The following COLEC11 variants were observed in gnomAD, a reference collection of about 807,000 sequenced individuals.
The protein encoded by COLEC11 is collectin subfamily member 11, also known as collectin-11.
COLEC11 carries 20 observed loss-of-function variants against 27.3 expected under a neutral mutation model. That is an observed-to-expected ratio of 0.73 (90% CI 0.51 to 1.06). The LOEUF is 1.06. Ranked by LOEUF, COLEC11 falls within the 50% of genes least tolerant of loss-of-function variation. COLEC11 has a pLI of 0.00. For missense variants in COLEC11, 310 were observed against 383.0 expected (o/e 0.81, Z 1.59); for synonymous variants, 163 against 154.7 (o/e 1.05, Z -0.40).
At chr2:3,633,897 G>A (rs1572460692) in intron 3 of COLEC11, among the ~76,000 whole-genome samples, 1 of 152,284 alleles carries the variant, frequency 6.6e-6, no homozygotes, top group African/African-American at 2.4e-5. Context: ...GCGCAGACAG[G>A]GCCTGGGACA....
intron 1 of COLEC11, among the ~76,000 whole-genome samples, chr2:3,595,983 T>G (rs1451250924): frequency 6.6e-6 from 1 of 152,146 alleles, no homozygotes; most frequent in Non-Finnish European, 1.5e-5. Flanking sequence ...TTTTGAAAAA[T>G]CCATGTACCG....
chr2:3,636,037 T>C lies in COLEC11; in HGVS notation c.203-1496T>C, dbSNP rs148920459. ...TCCTCTGGTTTCTGTCTATTCTGAA[T>C]TGGGGGAACGTTACATCTGCTTCGC... is the stretch of plus-strand genomic sequence containing the variant. On this transcript the variant is annotated intron_variant, in intron 3 of 6. Coordinates refer to ENST00000349077, the MANE Select transcript of COLEC11 (RefSeq NM_024027.5). Among the ~76,000 whole-genome samples, 1,094 of 152,344 alleles carry C rather than the reference T, an allele frequency of 7.2e-3. 10 individuals are homozygous for C. The highest frequency in any genetic ancestry group is 0.044 in the South Asian group (214 of 4,832).
chr2:3,632,068 C>T lies in COLEC11; in HGVS notation c.203-5465C>T, dbSNP rs1054867499. 1.6e-4 allele frequency among the ~76,000 whole-genome samples: 24 copies of T among 152,328 alleles called. No homozygotes were observed. In the East Asian group the frequency reaches 3.9e-3, roughly 24 times the overall value. ...AATCCACGCCATCAGTGTGCGCTCG[C>T]GCTCCTGCTCCTGATGCTCGCTGTG... On this transcript the variant is annotated intron_variant, in intron 3 of 6. Coordinates refer to ENST00000349077, the MANE Select transcript of COLEC11 (RefSeq NM_024027.5).
chr2:3,627,009 C>T lies in COLEC11; in HGVS notation c.203-10524C>T, dbSNP rs574391059. Among the ~76,000 whole-genome samples the T allele has an allele frequency of 6.6e-5, 10 of 152,284 alleles. No homozygotes were observed. In the East Asian group the frequency reaches 7.7e-4, roughly 12 times the overall value. ...CCCCTGGCCCACTGGCTCTTCTGCC[C>T]GTGGGCTTGCTAGCTGGGTGCTAGT... On this transcript the variant is annotated intron_variant, in intron 3 of 6. Transcript: ENST00000349077.
At chr2:3,596,727 T>C (rs911617494) in intron 1 of COLEC11, among the ~76,000 whole-genome samples, 2 of 152,152 alleles carry the variant, frequency 1.3e-5, no homozygotes, top group East Asian at 3.9e-4. Context: ...CCCCTTCCAT[T>C]GATGGGAGGG....
At chr2:3,637,769 T>C (rs907351575) in intron 4 of COLEC11, among the ~76,000 whole-genome samples, 165 bp downstream of exon 4, 3 of 152,220 alleles carry the variant, frequency 2.0e-5, no homozygotes, top group Non-Finnish European at 2.9e-5. Context: ...TTTGGGGTGC[T>C]TGGAGCTAGT....
chr2:3,603,064 A>T (rs900545260), intron 1 of COLEC11, among the ~76,000 whole-genome samples: 1 of 152,228 alleles, frequency 6.6e-6, no homozygotes, highest in African/African-American at 2.4e-5. Flanking sequence ...ACCAAACGAA[A>T]GGCTGCCAGG....
chr2:3,635,063 C>G (rs1242394155), intron 3 of COLEC11, among the ~76,000 whole-genome samples: 4 of 134,594 alleles, frequency 3.0e-5, no homozygotes, highest in African/African-American at 1.0e-4. Context: ...TGTCACCGTC[C>G]CATGATGATC....
chr2:3,601,150 C>T (rs377168221), intron 1 of COLEC11, among the ~76,000 whole-genome samples: 13 of 152,304 alleles, frequency 8.5e-5, no homozygotes, highest in African/African-American at 2.4e-4. Context: ...CCTTCCCACA[C>T]GGGCAGGGGG....
intron 3 of COLEC11, among the ~76,000 whole-genome samples, chr2:3,616,359 C>T (rs558745369): frequency 2.6e-5 from 4 of 151,634 alleles, no homozygotes; most frequent in East Asian, 1.9e-4. Flanking sequence ...GACGGGGTGG[C>T]GGCCGGGCAG....
intron 5 of COLEC11, chr2:3,641,399 G>A (rs1004015386): frequency 1.0e-5 from 13 of 1,297,190 alleles, no homozygotes; most frequent in South Asian, 3.7e-5. Flanking sequence ...TGAGGGGCCC[G>A]GACAAAGCCT....
intron 1 of COLEC11, among the ~76,000 whole-genome samples, chr2:3,600,781 A>G (rs1330322571): frequency 6.6e-6 from 1 of 152,234 alleles, no homozygotes; most frequent in Non-Finnish European, 1.5e-5. Context: ...AATGAACTAG[A>G]AAGTGAACAT....
chr2:3,617,413 A>C, intron 3 of COLEC11: 1 of 974,128 alleles, frequency 1.0e-6, no homozygotes, highest in Non-Finnish European at 1.6e-6. Context: ...TAGTTCTTTG[A>C]TGTGAAAGGG....
At chr2:3,642,393 T>C (rs952715873) in intron 5 of COLEC11, among the ~76,000 whole-genome samples, 1 of 152,122 alleles carries the variant, frequency 6.6e-6, no homozygotes, top group African/African-American at 2.4e-5. Flanking sequence ...AGGTGTTCCC[T>C]GTTATTTCAG....
intron 3 of COLEC11, chr2:3,617,677 A>C: frequency 1.2e-6 from 2 of 1,611,862 alleles, no homozygotes; most frequent in Non-Finnish European, 1.7e-6. Flanking sequence ...CGGGTTTGTC[A>C]GACATGGTTG....
chr2:3,642,016 A>G lies in COLEC11; in HGVS notation c.329-1428A>G, dbSNP rs568451594. The stretch of plus-strand genomic sequence containing the variant: ...ATGACCAGGTGTCACTCTTCACAGG[A>G]AGAAGGTTAGGGTCCGTCCAGGGAC... On this transcript the variant is annotated intron_variant, in intron 5 of 6. Coordinates refer to ENST00000349077, the MANE Select transcript of COLEC11 (RefSeq NM_024027.5). 3.1e-4 allele frequency among the ~76,000 whole-genome samples: 47 copies of G among 152,314 alleles called. 1 individual carries two copies. Among genetic ancestry groups the G allele is most frequent in the African/African-American group, 1.1e-3 (44 of 41,578 alleles).
chr2:3,597,634 G>C (rs554220869), intron 1 of COLEC11, among the ~76,000 whole-genome samples: 2 of 151,998 alleles, frequency 1.3e-5, no homozygotes, highest in South Asian at 2.1e-4. Flanking sequence ...CTTCTAGCTA[G>C]AGGGGAAATT....
At chr2:3,642,649 G>A (rs1665954571) in intron 5 of COLEC11, among the ~76,000 whole-genome samples, 1 of 152,166 alleles carries the variant, frequency 6.6e-6, no homozygotes, top group South Asian at 2.1e-4. Flanking sequence ...CTGTACCCCG[G>A]GCCCCTGTCT....
chr2:3,626,974 C>T (rs1664601543), intron 3 of COLEC11, among the ~76,000 whole-genome samples: 3 of 152,148 alleles, frequency 2.0e-5, no homozygotes, highest in South Asian at 2.1e-4. Flanking sequence ...GGGACACAGC[C>T]CTGCCAACTC....
Sources: gnomAD v4.1 joint callset for allele counts (sites outside exome capture counted in the v4.1 genomes callset) on GRCh38, gnomAD v4.1.1 for gene constraint, MANE v1.5 for transcripts, NCBI Gene and HGNC (gene_info 2026-07-23, HGNC 2026-07-21) for gene names.